The following PDCD2L variants were observed in gnomAD, a reference collection of about 807,000 sequenced individuals.
PDCD2L encodes the protein uS5 assembly chaperone PDCD2L.
PDCD2L carries 44 observed loss-of-function variants against 40.4 expected under a neutral mutation model. That is an observed-to-expected ratio of 1.09 (90% CI 0.86 to 1.40). The LOEUF is 1.40. Ranked by LOEUF, PDCD2L falls within the 40% of genes most tolerant of loss-of-function variation. The probability of loss-of-function intolerance (pLI) is 0.00; values close to 1 mark genes in which losing one functional copy is unlikely to be tolerated. For synonymous variants in PDCD2L, 194 were observed against 174.6 expected (o/e 1.11, Z -0.88); for missense variants, 470 against 453.7 (o/e 1.04, Z -0.33).
chr19:34,417,804 C>A (rs999562988), intron 5 of PDCD2L, among the ~76,000 whole-genome samples: 17 of 152,004 alleles, frequency 1.1e-4, no homozygotes, highest in African/African-American at 3.9e-4. Flanking sequence ...ATAGAGAACG[C>A]AATAGATGGA....
Position 34,413,327 on chromosome 19 carries a change from A to ATTT in PDCD2L, c.687-390_687-388dup, listed in dbSNP as rs34915589. On this transcript the variant is annotated intron_variant, in intron 4 of 6. Transcript: ENST00000246535. ...AGTGCTGGGATTAAAGGCGTGATTGATTTTTTTTTTTTTTTTTTTTTTGAG... is the reference window on the plus strand; with the variant it reads ...AGTGCTGGGATTAAAGGCGTGATTGATTTTTTTTTTTTTTTTTTTTTTTTTGAG... 1.8e-3 allele frequency among the ~76,000 whole-genome samples: 179 copies of ATTT among 98,790 alleles called. 3 individuals are homozygous for ATTT. The highest frequency in any genetic ancestry group is 7.7e-3 in the Middle Eastern group (1 of 130). 64.8% of individuals were successfully genotyped at this position (98,790 alleles called of 152,430 possible). A position where few individuals can be genotyped will look rare whatever the true frequency, so the allele number is the denominator to read the frequency against.
At chr19:34,409,570 T>G (rs1238441899) in intron 4 of PDCD2L, 60 bp downstream of exon 4, 9 of 1,463,598 alleles carry the variant, frequency 6.1e-6, no homozygotes, top group Non-Finnish European at 7.5e-6. Flanking sequence ...CCACAAGAGT[T>G]ACCCTTCAGT....
At chr19:34,409,041 A>T in intron 3 of PDCD2L, 120 bp from the exon 4 acceptor site, 1 of 803,802 alleles carries the variant, frequency 1.2e-6, no homozygotes. Flanking sequence ...AGTGTACCAG[A>T]GGGGAAGGGG....
chr19:34,425,853 G>T, intron 6 of PDCD2L, 137 bp from the exon 7 acceptor site: 2 of 781,072 alleles, frequency 2.6e-6, no homozygotes, highest in Non-Finnish European at 2.0e-6. Flanking sequence ...CTGTGATTCT[G>T]TTATAGCTGA....
intron 4 of PDCD2L, among the ~76,000 whole-genome samples, 179 bp from the exon 5 acceptor site, chr19:34,413,558 C>T (rs537612528): frequency 1.5e-4 from 23 of 150,386 alleles, no homozygotes; most frequent in African/African-American, 5.1e-4. Flanking sequence ...AGGATGGTCT[C>T]GATCTCCTGA....
chr19:34,410,778 A>T (rs1216668863), intron 4 of PDCD2L, among the ~76,000 whole-genome samples: 1 of 150,108 alleles, frequency 6.7e-6, no homozygotes, highest in African/African-American at 2.4e-5. Context: ...TTATTTATTT[A>T]TTTATTTATT....
At chr19:34,412,828 A>G (rs1480131818) in intron 4 of PDCD2L, among the ~76,000 whole-genome samples, 10 of 151,162 alleles carry the variant, frequency 6.6e-5, no homozygotes, top group East Asian at 3.9e-4. Context: ...CTGTAGTGCA[A>G]TGGTGTGCTC....
intron 3 of PDCD2L, among the ~76,000 whole-genome samples, chr19:34,406,408 C>T (rs1282054436): frequency 3.4e-5 from 5 of 148,234 alleles, no homozygotes; most frequent in East Asian, 3.9e-4. Flanking sequence ...TTTTTTGAGA[C>T]GGAGTCTTGC....
chr19:34,425,087 CTGCTGCA>C (rs1237525666), intron 6 of PDCD2L, among the ~76,000 whole-genome samples: 4 of 152,204 alleles, frequency 2.6e-5, no homozygotes, highest in African/African-American at 7.2e-5. Context: ...TTCTCCTTTG[CTGCTGCA>C]AATCATTGCC....
chr19:34,420,790 T>TA (rs36111473), intron 5 of PDCD2L, among the ~76,000 whole-genome samples: 102 of 142,890 alleles, frequency 7.1e-4, no homozygotes, highest in African/African-American at 2.2e-3. Context: ...AGGCTTTATC[T>TA]AAAAAAAAAA....
rs776225485 is a variant in PDCD2L at position 34,409,394 on chromosome 19, C to G, written c.570C>G (p.Ile190Met). ...PGLPLFLPYY[I>M]CVADEDDYRD... ...TGCCGCTCTTCCTGCCCTACTACAT[C>G]TGTGTTGCAGATGAGGATGATTACA... Residue 190 changes from isoleucine (I) to methionine (M), a missense_variant, in exon 4 of 7, where the codon ATC (isoleucine) becomes ATG (methionine). Coordinates refer to ENST00000246535, the MANE Select transcript of PDCD2L (RefSeq NM_032346.2). 6.2e-7 allele frequency: 1 copy of G among 1,614,202 alleles called. No homozygotes were observed. Among genetic ancestry groups the G allele is most frequent in the East Asian group, 2.2e-5 (1 of 44,884 alleles).
rs770719960 is a variant in PDCD2L, at chr19:34,409,515, G to A, written c.686+5G>A. The A allele has an allele frequency of 6.2e-7, 1 of 1,610,962 alleles. No individual in the cohort carries two copies. Among genetic ancestry groups the A allele is most frequent in the Non-Finnish European group, 8.5e-7 (1 of 1,177,878 alleles). Reference sequence around the variant, plus strand: ...GGATCAGTTGCTTTCCCAAAGGTGAGGATGTGTGCTGCTGAGGTTGAGAGG... The same window carrying A: ...GGATCAGTTGCTTTCCCAAAGGTGAAGATGTGTGCTGCTGAGGTTGAGAGG... On this transcript the variant is annotated splice_donor_5th_base_variant and intron_variant, in intron 4 of 6. Coordinates refer to ENST00000246535, the MANE Select transcript of PDCD2L (RefSeq NM_032346.2).
chr19:34,421,116 C>G (rs1215210646), intron 5 of PDCD2L, among the ~76,000 whole-genome samples: 1 of 152,200 alleles, frequency 6.6e-6, no homozygotes, highest in Non-Finnish European at 1.5e-5. Flanking sequence ...TCACCTCCTG[C>G]TGCATGGCCC....
chr19:34,413,972 C>T, intron 5 of PDCD2L, 125 bp downstream of exon 5: 1 of 610,360 alleles, frequency 1.6e-6, no homozygotes, highest in East Asian at 2.9e-5. Context: ...AAGAGAGAAC[C>T]TAATACCTGC....
intron 5 of PDCD2L, among the ~76,000 whole-genome samples, chr19:34,420,589 A>G (rs1347206993): frequency 2.6e-5 from 4 of 151,576 alleles, no homozygotes; most frequent in Admixed American, 6.6e-5. Flanking sequence ...GGAGTTTGAG[A>G]CCAGTCTGGG....
intron 5 of PDCD2L, among the ~76,000 whole-genome samples, chr19:34,421,188 TG>T (rs1171296572): frequency 1.3e-5 from 2 of 152,118 alleles, no homozygotes; most frequent in African/African-American, 4.8e-5. Context: ...GCCTGGGGGT[TG>T]GGGACTTCTT....
At chr19:34,417,153 TC>T (rs2145467744) in intron 5 of PDCD2L, among the ~76,000 whole-genome samples, 1 of 151,924 alleles carries the variant, frequency 6.6e-6, no homozygotes, top group Admixed American at 6.6e-5. Context: ...AAGGAGCACA[TC>T]AGTCCCAGCA....
At position 34,409,430 on chromosome 19, in the gene PDCD2L, C is replaced by T; in HGVS notation, c.606C>T (p.Val202=). The T allele has an allele frequency of 6.2e-7, 1 of 1,614,200 alleles. No individual in the cohort carries two copies. Reference sequence around the variant, plus strand: ...ATGAGGATGATTACAGGGACTTTGTCAACCTGGATCATGCCCACAGCCTTC... The same window carrying T: ...ATGAGGATGATTACAGGGACTTTGTTAACCTGGATCATGCCCACAGCCTTC... ...VADEDDYRDF[V]NLDHAHSLLR... Residue 202 remains valine, a synonymous_variant, in exon 4 of 7, where the codon GTC becomes GTT. Coordinates refer to ENST00000246535, the MANE Select transcript of PDCD2L (RefSeq NM_032346.2).
At chr19:34,425,843 CTG>C in intron 6 of PDCD2L, 145 bp from the exon 7 acceptor site, 1 of 685,912 alleles carries the variant, frequency 1.5e-6, no homozygotes, top group Non-Finnish European at 2.3e-6. Context: ...ATAGGATAGA[CTG>C]TGATTCTGTT....
Sources: gnomAD v4.1 joint callset for allele counts (sites outside exome capture counted in the v4.1 genomes callset) on GRCh38, gnomAD v4.1.1 for gene constraint, MANE v1.5 for transcripts, NCBI Gene and HGNC (gene_info 2026-07-23, HGNC 2026-07-21) for gene names.